The following GHR variants were observed in gnomAD, a reference collection of about 807,000 sequenced individuals.
The protein encoded by GHR is growth hormone receptor.
GHR carries 35 observed loss-of-function variants against 67.1 expected under a neutral mutation model. The observed-to-expected ratio is 0.52, with a 90% CI of 0.40 to 0.69. The LOEUF (loss-of-function observed/expected upper bound fraction) is 0.69, where lower values mean the gene tolerates loss of function less well. Ranked by LOEUF, GHR falls within the 30% of genes least tolerant of loss-of-function variation. The pLI is 0.00. For missense variants in GHR, 792 were observed against 764.6 expected (o/e 1.04, Z -0.42); for synonymous variants, 272 against 269.1 (o/e 1.01, Z -0.10).
chr5:42,638,182 G>C (rs570475486), intron 3 of GHR, among the ~76,000 whole-genome samples: 216 of 151,810 alleles, frequency 1.4e-3, no homozygotes, highest in African/African-American at 4.8e-3. Context: ...CTCGTGATCT[G>C]CCCCCCTCAG....
In GHR at chr5:42,629,093, C is replaced by A. The variant is rs773634630; in HGVS notation, c.126C>A (p.Gly42=). The A allele has an allele frequency of 9.6e-6, 13 of 1,356,722 alleles. 2 individuals carry two copies. The highest frequency in any genetic ancestry group is 5.4e-5 in the Admixed American group (3 of 55,942). 84.0% of individuals were successfully genotyped at this position (1,356,722 alleles called of 1,614,324 possible). A position where few individuals can be genotyped will look rare whatever the true frequency, so the allele number is the denominator to read the frequency against. The part of the protein sequence containing the change: ...APWSLQSVNP[G]LKTNSSKEPK... ...GGAGTCTGCAAAGTGTTAATCCAGG[C>A]CTAAAGACAAGTAAGAATTTCAGTC... The change falls in exon 3 of 10, where the codon GGC becomes GGA. Residue 42 remains glycine, a synonymous_variant. Transcript: ENST00000230882.
intron 1 of GHR, among the ~76,000 whole-genome samples, chr5:42,500,883 T>G (rs147158256): frequency 1.2e-3 from 189 of 152,364 alleles, no homozygotes; most frequent in African/African-American, 4.1e-3. Flanking sequence ...AGTTCAGTAT[T>G]ATCTGTTGCA....
At chr5:42,582,015 A>C (rs1163182206) in intron 2 of GHR, among the ~76,000 whole-genome samples, 1 of 152,242 alleles carries the variant, frequency 6.6e-6, no homozygotes, top group Non-Finnish European at 1.5e-5. Context: ...TCAGGTGTGC[A>C]CACACTCGGA....
chr5:42,612,147 G>C (rs1752922064), intron 2 of GHR, among the ~76,000 whole-genome samples: 1 of 152,086 alleles, frequency 6.6e-6, no homozygotes, highest in Non-Finnish European at 1.5e-5. Context: ...TGAATAAACA[G>C]TATTCCACTC....
intron 1 of GHR, among the ~76,000 whole-genome samples, chr5:42,461,143 A>G (rs572689986): frequency 6.6e-6 from 1 of 152,312 alleles, no homozygotes; most frequent in South Asian, 2.1e-4. Context: ...CTACTGAGTG[A>G]AATGTGGGTC....
At chr5:42,670,014 A>C (rs1404614819) in intron 3 of GHR, among the ~76,000 whole-genome samples, 2 of 152,192 alleles carry the variant, frequency 1.3e-5, no homozygotes, top group African/African-American at 4.8e-5. Flanking sequence ...ATAGCAGTAG[A>C]AAAAAATCAT....
At chr5:42,537,109 C>A (rs1299908260) in intron 1 of GHR, among the ~76,000 whole-genome samples, 1 of 151,804 alleles carries the variant, frequency 6.6e-6, no homozygotes, top group African/African-American at 2.4e-5. Flanking sequence ...TTTAAAATAA[C>A]CAGCTTTTTG....
At chr5:42,468,464 G>A (rs1744837888) in intron 1 of GHR, 1 of 838,702 alleles carries the variant, frequency 1.2e-6, no homozygotes, top group African/African-American at 1.7e-5. Context: ...GCGCAGCTGA[G>A]AGGCCCGACC....
intron 1 of GHR, among the ~76,000 whole-genome samples, chr5:42,518,077 TTC>T (rs1280015191): frequency 1.3e-5 from 2 of 151,412 alleles, no homozygotes; most frequent in Non-Finnish European, 2.9e-5. Context: ...ATCCTCTTCC[TTC>T]TCTCACCCTC....
At chr5:42,598,868 T>TA (rs1257836358) in intron 2 of GHR, among the ~76,000 whole-genome samples, 1 of 152,166 alleles carries the variant, frequency 6.6e-6, no homozygotes, top group East Asian at 1.9e-4. Context: ...ACCATTCTTT[T>TA]AAAAAAGGAC....
At chr5:42,508,273 GAAAAT>G (rs1746862007) in intron 1 of GHR, among the ~76,000 whole-genome samples, 1 of 152,126 alleles carries the variant, frequency 6.6e-6, no homozygotes. Context: ...CTTTCCCAAG[GAAAAT>G]AAAATAAAGA....
intron 3 of GHR, among the ~76,000 whole-genome samples, chr5:42,667,815 C>T (rs1756067904): frequency 6.6e-6 from 1 of 152,160 alleles, no homozygotes; most frequent in African/African-American, 2.4e-5. Flanking sequence ...TGGTAATCAT[C>T]CTCAGTATGT....
chr5:42,454,942 G>C (rs1744198740), intron 1 of GHR, among the ~76,000 whole-genome samples: 2 of 152,094 alleles, frequency 1.3e-5, no homozygotes, highest in Non-Finnish European at 2.9e-5. Context: ...TCATTTGGAA[G>C]CTTCTTTCAC....
chr5:42,443,239 A>C (rs1253948161), intron 1 of GHR, among the ~76,000 whole-genome samples: 1 of 152,184 alleles, frequency 6.6e-6, no homozygotes, highest in Non-Finnish European at 1.5e-5. Flanking sequence ...AATTTGTTGA[A>C]ATTACATATG....
At chr5:42,447,293 C>T (rs777310643) in intron 1 of GHR, among the ~76,000 whole-genome samples, 2 of 152,026 alleles carry the variant, frequency 1.3e-5, no homozygotes, top group Admixed American at 6.6e-5. Flanking sequence ...ATCCTTCACC[C>T]CCTCCCACCC....
chr5:42,718,409 A>G (rs781647441), intron 9 of GHR, 44 bp from the exon 10 acceptor site: 1 of 1,379,452 alleles, frequency 7.2e-7, no homozygotes, highest in East Asian at 2.3e-5. Context: ...TTTAATTATT[A>G]TGAGTTTCTT....
At chr5:42,583,379 C>CG (rs11430949) in intron 2 of GHR, among the ~76,000 whole-genome samples, 43,519 of 152,060 alleles carry the variant, frequency 0.29, 7,135 homozygotes, top group African/African-American at 0.42. Flanking sequence ...CATTACTTTG[C>CG]GTTCCACCTT....
chr5:42,702,712 CTCT>C (rs1561241770), intron 6 of GHR, among the ~76,000 whole-genome samples: 1 of 151,920 alleles, frequency 6.6e-6, no homozygotes, highest in South Asian at 2.1e-4. Context: ...CACTTGTTAT[CTCT>C]TCTTTTTTTG....
intron 2 of GHR, among the ~76,000 whole-genome samples, chr5:42,568,001 T>G (rs1750047442): frequency 6.6e-6 from 1 of 152,178 alleles, no homozygotes; most frequent in Non-Finnish European, 1.5e-5. Context: ...ACTAAAAATA[T>G]AGATTAAATT....
Sources: allele counts gnomAD v4.1 joint callset (sites outside exome capture counted in the v4.1 genomes callset), GRCh38; gene constraint gnomAD v4.1.1; transcripts MANE v1.5; gene names NCBI Gene and HGNC (gene_info 2026-07-23, HGNC 2026-07-21).